The following CTNNA3 variants were observed in gnomAD, a reference collection of about 807,000 sequenced individuals.
The protein encoded by CTNNA3 is catenin alpha 3.
CTNNA3 carries 76 observed loss-of-function variants against 95.7 expected under a neutral mutation model. The observed-to-expected ratio is 0.79, with a 90% CI of 0.66 to 0.96. CTNNA3 has a LOEUF of 0.96. Ranked by LOEUF, CTNNA3 falls within the 40% of genes least tolerant of loss-of-function variation. CTNNA3 has a pLI of 0.00. For missense variants in CTNNA3, 1,191 were observed against 1,089.8 expected (o/e 1.09, Z -1.31); for synonymous variants, 431 against 374.4 (o/e 1.15, Z -1.74).
chr10:66,163,782 T>C (rs1564717312), intron 13 of CTNNA3, among the ~76,000 whole-genome samples: 1 of 152,336 alleles, frequency 6.6e-6, no homozygotes, highest in East Asian at 1.9e-4. Context: ...TGCATGACCA[T>C]GTTCAAGTTA....
intron 3 of CTNNA3, among the ~76,000 whole-genome samples, chr10:67,564,088 T>C (rs914528176): frequency 6.7e-6 from 1 of 149,854 alleles, no homozygotes; most frequent in African/African-American, 2.5e-5. Flanking sequence ...AGTGTGGCGA[T>C]TCCTTAAGGA....
At chr10:67,602,712 T>C (rs926744679) in intron 3 of CTNNA3, among the ~76,000 whole-genome samples, 3 of 152,188 alleles carry the variant, frequency 2.0e-5, no homozygotes, top group Non-Finnish European at 4.4e-5. Context: ...ATGGCAATTA[T>C]TGTTCCCTTC....
At chr10:67,137,967 G>T (rs991061849) in intron 7 of CTNNA3, among the ~76,000 whole-genome samples, 2 of 151,730 alleles carry the variant, frequency 1.3e-5, no homozygotes, top group South Asian at 4.2e-4. Context: ...AGGTCCTAAG[G>T]TTCAAGCTTA....
intron 11 of CTNNA3, among the ~76,000 whole-genome samples, chr10:66,398,195 A>G (rs1678008893): frequency 6.6e-6 from 1 of 151,886 alleles, no homozygotes; most frequent in African/African-American, 2.4e-5. Context: ...GCAAAGTACA[A>G]TTCGTGGCCT....
intron 13 of CTNNA3, among the ~76,000 whole-genome samples, chr10:66,114,635 C>T (rs1421932976): frequency 6.6e-6 from 1 of 151,740 alleles, no homozygotes; most frequent in Non-Finnish European, 1.5e-5. Context: ...AATCCCAGCA[C>T]TTTGGGAGGC....
chr10:66,708,626 A>G (rs748650335), intron 9 of CTNNA3, among the ~76,000 whole-genome samples: 3 of 152,098 alleles, frequency 2.0e-5, no homozygotes, highest in Admixed American at 1.3e-4. Flanking sequence ...AATTCAGCCC[A>G]TAACAAGAGG....
At chr10:66,068,801 T>G (rs928362373) in intron 15 of CTNNA3, among the ~76,000 whole-genome samples, 3 of 152,228 alleles carry the variant, frequency 2.0e-5, no homozygotes, top group Non-Finnish European at 1.5e-5. Context: ...ACAAACATTT[T>G]TATTACTTCT....
At chr10:66,873,827 A>G (rs183016619) in intron 7 of CTNNA3, among the ~76,000 whole-genome samples, 35 of 152,262 alleles carry the variant, frequency 2.3e-4, no homozygotes, top group Non-Finnish European at 3.4e-4. Context: ...AACCTAGGAA[A>G]TATCTTTCTT....
intron 12 of CTNNA3, among the ~76,000 whole-genome samples, chr10:66,327,943 TACTC>T (rs2092276244): frequency 1.3e-5 from 2 of 152,104 alleles, no homozygotes; most frequent in South Asian, 2.1e-4. Context: ...ACCAGTTACT[TACTC>T]AGGAAAGATG....
At chr10:66,097,885 G>A (rs1384660411) in intron 14 of CTNNA3, 1 of 152,116 alleles carries the variant, frequency 6.6e-6, no homozygotes, top group African/African-American at 2.4e-5. Context: ...CCAATGTGAT[G>A]AGACAATGAC....
chr10:67,510,799 CATG>C (rs1359042017), intron 5 of CTNNA3, among the ~76,000 whole-genome samples: 2 of 152,116 alleles, frequency 1.3e-5, no homozygotes, highest in African/African-American at 4.8e-5. Flanking sequence ...TGGCCATTTT[CATG>C]ATATTGATTC....
At chr10:67,142,381 A>C (rs1242625141) in intron 7 of CTNNA3, among the ~76,000 whole-genome samples, 1 of 152,224 alleles carries the variant, frequency 6.6e-6, no homozygotes, top group East Asian at 1.9e-4. Flanking sequence ...CATGAAAAAT[A>C]CATGTGTGTA....
rs1840344670 is a variant in CTNNA3 at position 67,667,080 on chromosome 10, A to G, written c.-5-19562T>C. 1.3e-5 allele frequency among the ~76,000 whole-genome samples: 2 copies of G among 152,222 alleles called. 1 individual carries two copies. The highest frequency in any genetic ancestry group is 4.1e-4 in the South Asian group (2 of 4,832). ...CAGGATAAAATCTCTCTTCAAAATT[A>G]TATGACATTTGTAACCTCTTTAACT... On this transcript the variant is annotated intron_variant, in intron 1 of 17. Coordinates refer to ENST00000433211, the MANE Select transcript of CTNNA3 (RefSeq NM_013266.4).
chr10:67,153,575 C>T (rs1861177672), intron 7 of CTNNA3, among the ~76,000 whole-genome samples: 1 of 152,214 alleles, frequency 6.6e-6, no homozygotes, highest in Non-Finnish European at 1.5e-5. Context: ...ATTCAGAGTT[C>T]TCCGACAGCA....
chr10:67,709,402 A>G (rs1221050840), intron 1 of CTNNA3, among the ~76,000 whole-genome samples: 2 of 152,194 alleles, frequency 1.3e-5, no homozygotes, highest in Non-Finnish European at 2.9e-5. Flanking sequence ...AGAAAGTTGC[A>G]TGGGATGTGG....
chr10:65,942,530 AAAC>A (rs748892534), intron 17 of CTNNA3, among the ~76,000 whole-genome samples: 43 of 152,202 alleles, frequency 2.8e-4, no homozygotes, highest in Non-Finnish European at 5.1e-4. Context: ...TCCCTCTCAA[AAAC>A]AACAACAACA....
chr10:67,750,892 G>A (rs1382995524), intron 1 of CTNNA3: 1 of 1,610,694 alleles, frequency 6.2e-7, no homozygotes, highest in East Asian at 2.2e-5. Context: ...CCACTCCAAG[G>A]GCATCACCAT....
At chr10:66,353,626 G>A (rs1478633477) in intron 12 of CTNNA3, among the ~76,000 whole-genome samples, 1 of 152,120 alleles carries the variant, frequency 6.6e-6, no homozygotes, top group African/African-American at 2.4e-5. Context: ...TCAGACAGCT[G>A]GTCCGAGTCT....
chr10:66,595,630 C>A (rs1395086041), intron 10 of CTNNA3, among the ~76,000 whole-genome samples: 1 of 152,026 alleles, frequency 6.6e-6, no homozygotes, highest in Non-Finnish European at 1.5e-5. Context: ...AGCCACCGCA[C>A]CCAGCCTGTT....
Sources: allele counts gnomAD v4.1 joint callset (sites outside exome capture counted in the v4.1 genomes callset), GRCh38; gene constraint gnomAD v4.1.1; transcripts MANE v1.5; gene names NCBI Gene and HGNC (gene_info 2026-07-23, HGNC 2026-07-21).